The following PTPRT variants were observed in gnomAD, a reference collection of about 807,000 sequenced individuals.
The protein encoded by PTPRT is protein tyrosine phosphatase receptor type T, also known as receptor-type tyrosine-protein phosphatase T.
A neutral mutation model predicts 176.8 loss-of-function variants in PTPRT; 56 were observed. The ratio of observed to expected loss-of-function variants is 0.32; its 90% CI spans 0.26 to 0.40. The LOEUF (loss-of-function observed/expected upper bound fraction) is 0.40, where lower values mean the gene tolerates loss of function less well. Among genes scored for constraint, PTPRT ranks in the 10% least tolerant of loss-of-function variants. The probability of loss-of-function intolerance (pLI) is 1.00; values close to 1 mark genes in which losing one functional copy is unlikely to be tolerated. For synonymous variants in PTPRT, 783 were observed against 739.0 expected (o/e 1.06, Z -0.96); for missense variants, 1,540 against 1,908.2 (o/e 0.81, Z 3.60).
intron 1 of PTPRT, among the ~76,000 whole-genome samples, chr20:43,168,798 G>A (rs1010711013): frequency 3.3e-5 from 5 of 151,972 alleles, no homozygotes; most frequent in South Asian, 2.1e-4. Context: ...TCATCCCACC[G>A]TGCCTTCATT....
At chr20:42,095,981 A>C (rs1416041367) in intron 27 of PTPRT, among the ~76,000 whole-genome samples, 1 of 151,992 alleles carries the variant, frequency 6.6e-6, no homozygotes, top group Non-Finnish European at 1.5e-5. Context: ...TTCCCCAGTT[A>C]TATCCCCAGT....
chr20:42,893,892 A>G (rs1329553755), intron 1 of PTPRT, among the ~76,000 whole-genome samples: 2 of 152,062 alleles, frequency 1.3e-5, no homozygotes, highest in Non-Finnish European at 2.9e-5. Flanking sequence ...GGATAGCATT[A>G]GGAGATATAC....
At chr20:42,669,479 T>C (rs762780747) in intron 7 of PTPRT, among the ~76,000 whole-genome samples, 10 of 152,184 alleles carry the variant, frequency 6.6e-5, no homozygotes, top group Non-Finnish European at 1.0e-4. Context: ...AGAATTACAG[T>C]ACAGCAGAGA....
chr20:42,241,375 G>T (rs1458011328), intron 14 of PTPRT, among the ~76,000 whole-genome samples: 5 of 152,166 alleles, frequency 3.3e-5, no homozygotes, highest in African/African-American at 1.2e-4. Flanking sequence ...AACAAAGTGG[G>T]AATGGCAAGA....
intron 1 of PTPRT, among the ~76,000 whole-genome samples, chr20:43,114,712 A>G (rs1453179950): frequency 1.3e-5 from 2 of 152,140 alleles, no homozygotes; most frequent in Non-Finnish European, 2.9e-5. Context: ...GAAAACATAG[A>G]TATGGTGCTA....
rs545319544 is a variant in PTPRT at position 42,208,834 on chromosome 20, A to C, written c.2343-9446T>G. 3.4e-3 allele frequency among the ~76,000 whole-genome samples: 516 copies of C among 152,302 alleles called. 2 individuals carry two copies. The highest frequency in any genetic ancestry group is 5.7e-3 in the Non-Finnish European group (385 of 68,026). On this transcript the variant is annotated intron_variant, in intron 15 of 30. Transcript: ENST00000373187. ...AGAACTCTCCACCCCAAATCAACAGAATATACATTTTTTTCAGCACCACAC... is the reference window on the plus strand; with the variant it reads ...AGAACTCTCCACCCCAAATCAACAGCATATACATTTTTTTCAGCACCACAC...
intron 1 of PTPRT, among the ~76,000 whole-genome samples, chr20:43,098,577 T>C (rs959378395): frequency 2.0e-5 from 3 of 151,600 alleles, no homozygotes; most frequent in African/African-American, 7.3e-5. Context: ...AGGTCTTCCT[T>C]AGGATCTTCA....
intron 15 of PTPRT, among the ~76,000 whole-genome samples, chr20:42,228,543 C>T (rs1208233483): frequency 6.6e-6 from 1 of 152,156 alleles, no homozygotes. Flanking sequence ...ATGCAAGTAC[C>T]AATGCAACAT....
At chr20:42,635,177 T>A (rs2074567615) in intron 7 of PTPRT, among the ~76,000 whole-genome samples, 1 of 152,128 alleles carries the variant, frequency 6.6e-6, no homozygotes, top group Non-Finnish European at 1.5e-5. Context: ...AATTTTATTT[T>A]AAATCAGTAT....
At chr20:42,384,297 C>T (rs1467360138) in intron 9 of PTPRT, among the ~76,000 whole-genome samples, 1 of 152,166 alleles carries the variant, frequency 6.6e-6, no homozygotes, top group African/African-American at 2.4e-5. Context: ...TCACACATAC[C>T]AGTGTAGAAA....
At chr20:42,632,444 C>T (rs546602211) in intron 7 of PTPRT, among the ~76,000 whole-genome samples, 3 of 152,044 alleles carry the variant, frequency 2.0e-5, no homozygotes, top group South Asian at 2.1e-4. Flanking sequence ...AGGCTGGTCT[C>T]GAACTCCTGA....
intron 1 of PTPRT, among the ~76,000 whole-genome samples, chr20:42,913,957 T>C (rs896568338): frequency 6.6e-6 from 1 of 152,236 alleles, no homozygotes; most frequent in Admixed American, 6.5e-5. Flanking sequence ...ACATATTAAT[T>C]CATTCCCTAA....
chr20:42,407,464 G>A (rs543854953), intron 9 of PTPRT, among the ~76,000 whole-genome samples: 1 of 152,282 alleles, frequency 6.6e-6, no homozygotes, highest in East Asian at 1.9e-4. Flanking sequence ...ATAAAATCCA[G>A]TAGACATTCC....
At chr20:42,437,885 GT>G (rs1338654088) in intron 9 of PTPRT, among the ~76,000 whole-genome samples, 1 of 152,188 alleles carries the variant, frequency 6.6e-6, no homozygotes, top group African/African-American at 2.4e-5. Flanking sequence ...GAAAGAGCCA[GT>G]TAAAAGCAGC....
At chr20:42,333,500 ATT>A (rs1024308580) in intron 11 of PTPRT, among the ~76,000 whole-genome samples, 1 of 151,520 alleles carries the variant, frequency 6.6e-6, no homozygotes, top group Non-Finnish European at 1.5e-5. Flanking sequence ...TGCCCATCTA[ATT>A]TTTGTATTTT....
intron 1 of PTPRT, among the ~76,000 whole-genome samples, chr20:43,165,074 G>A (rs1237624989): frequency 1.3e-5 from 2 of 152,114 alleles, no homozygotes; most frequent in South Asian, 2.1e-4. Flanking sequence ...CATGGGGGTG[G>A]GTTTTTCCCG....
At chr20:42,517,246 T>G (rs764836708) in intron 7 of PTPRT, among the ~76,000 whole-genome samples, 1 of 152,008 alleles carries the variant, frequency 6.6e-6, no homozygotes. Context: ...TTTTTTTCAC[T>G]AAGTTTTAAT....
At chr20:42,565,279 C>T (rs1465489663) in intron 7 of PTPRT, among the ~76,000 whole-genome samples, 1 of 152,200 alleles carries the variant, frequency 6.6e-6, no homozygotes, top group African/African-American at 2.4e-5. Flanking sequence ...GTGACAGGGC[C>T]TGCTTCTGTC....
intron 1 of PTPRT, among the ~76,000 whole-genome samples, chr20:42,964,345 G>A (rs1187638457): frequency 1.3e-5 from 2 of 152,084 alleles, no homozygotes; most frequent in Non-Finnish European, 2.9e-5. Context: ...GAAAAAAAAT[G>A]CAGATGTACC....
Sources: allele counts gnomAD v4.1 joint callset (sites outside exome capture counted in the v4.1 genomes callset), GRCh38; gene constraint gnomAD v4.1.1; transcripts MANE v1.5; gene names NCBI Gene and HGNC (gene_info 2026-07-23, HGNC 2026-07-21).